Variants in FYB1 observed in about 807,000 individuals in gnomAD.
FYB1 encodes the protein FYN-binding protein 1.
A neutral mutation model predicts 94.1 loss-of-function variants in FYB1; 41 were observed. The ratio of observed to expected loss-of-function variants is 0.44; its 90% CI spans 0.34 to 0.57. The LOEUF (loss-of-function observed/expected upper bound fraction) is 0.57. FYB1 is among the 20% of genes least tolerant of loss of function. The probability of loss-of-function intolerance (pLI) is 0.02; values close to 1 mark genes in which losing one functional copy is unlikely to be tolerated. For synonymous variants in FYB1, 367 were observed against 353.2 expected (o/e 1.04, Z -0.44); for missense variants, 1,050 against 976.8 (o/e 1.07, Z -1.00).
intron 2 of FYB1, among the ~76,000 whole-genome samples, chr5:39,164,206 G>A (rs1202414332): frequency 1.3e-5 from 2 of 152,122 alleles, no homozygotes; most frequent in African/African-American, 2.4e-5. Flanking sequence ...TGTGTGCACT[G>A]AGCTGGGAGC....
At chr5:39,235,078 AATAATG>A (rs921466639) in intron 1 of FYB1, among the ~76,000 whole-genome samples, 1 of 110,200 alleles carries the variant, frequency 9.1e-6, no homozygotes, top group Non-Finnish European at 2.0e-5. Context: ...TAATAATAAT[AATAATG>A]ATAAATCACA....
rs148367896 is a variant in FYB1 at position 39,109,971 on chromosome 5, A to C, written c.2435+385T>G. On this transcript the variant is annotated intron_variant, in intron 17 of 18. Transcript: ENST00000512982. ...CTGTTAACAGGTGATATTAGCACCT[A>C]CTATGAAGTCACTAATTGGTCCCAA... Among the ~76,000 whole-genome samples, 184 of 152,280 alleles carry C rather than the reference A, an allele frequency of 1.2e-3. 1 individual carries two copies. Among genetic ancestry groups the C allele is most frequent in the African/African-American group, 4.1e-3 (171 of 41,566 alleles).
intron 3 of FYB1, among the ~76,000 whole-genome samples, chr5:39,148,151 TTTTTTATATATATA>T (rs1742860135): frequency 1.7e-5 from 1 of 58,728 alleles, no homozygotes; most frequent in African/African-American, 1.1e-4. Flanking sequence ...ATTATATGTA[TTTTTTATATATATA>T]TATATATATA....
chr5:39,256,196 A>AT (rs544741276), intron 1 of FYB1, among the ~76,000 whole-genome samples: 424 of 152,294 alleles, frequency 2.8e-3, no homozygotes, highest in Non-Finnish European at 4.8e-3. Flanking sequence ...CCAAGAAGGC[A>AT]TTTTTTCCTC....
chr5:39,153,373 G>T, intron 3 of FYB1, 75 bp downstream of exon 3: 1 of 1,548,678 alleles, frequency 6.5e-7, no homozygotes, highest in Middle Eastern at 1.7e-4. Context: ...GGAACTCTCA[G>T]CATTTGACCA....
At chr5:39,136,306 T>C (rs1307529588) in intron 7 of FYB1, among the ~76,000 whole-genome samples, 1 of 151,914 alleles carries the variant, frequency 6.6e-6, no homozygotes, top group Non-Finnish European at 1.5e-5. Context: ...CCTGAACTCA[T>C]GATCCACCCA....
chr5:39,120,978 T>C (rs1313638446), intron 14 of FYB1, among the ~76,000 whole-genome samples: 2 of 151,976 alleles, frequency 1.3e-5, no homozygotes, highest in Admixed American at 1.3e-4. Context: ...AAAAAATTTA[T>C]TGAAATTTAT....
chr5:39,197,447 C>G (rs146792294), intron 2 of FYB1, among the ~76,000 whole-genome samples: 42 of 152,264 alleles, frequency 2.8e-4, no homozygotes, highest in African/African-American at 9.1e-4. Context: ...CATGTAAAAA[C>G]TCCAATCTCA....
At chr5:39,153,409 G>A in intron 3 of FYB1, 39 bp downstream of exon 3, 1 of 1,605,992 alleles carries the variant, frequency 6.2e-7, no homozygotes, top group Non-Finnish European at 8.5e-7. Flanking sequence ...TCTACGGCAA[G>A]AGACTAGGAA....
intron 2 of FYB1, among the ~76,000 whole-genome samples, chr5:39,174,565 C>CT (rs1207581243): frequency 6.6e-6 from 1 of 152,148 alleles, no homozygotes; most frequent in South Asian, 2.1e-4. Flanking sequence ...AACACTCTCC[C>CT]TTTTTATCAA....
chr5:39,266,823 G>T (rs1342859037), intron 1 of FYB1, among the ~76,000 whole-genome samples: 1 of 152,148 alleles, frequency 6.6e-6, no homozygotes, highest in Non-Finnish European at 1.5e-5. Flanking sequence ...GACCATAGCA[G>T]AAGCAGACAT....
chr5:39,183,831 T>A (rs1579593715), intron 2 of FYB1, among the ~76,000 whole-genome samples: 1 of 152,158 alleles, frequency 6.6e-6, no homozygotes, highest in Non-Finnish European at 1.5e-5. Context: ...CAAAGCAAGA[T>A]GTTCTGATTC....
intron 2 of FYB1, among the ~76,000 whole-genome samples, chr5:39,168,664 T>C (rs1444078293): frequency 6.6e-6 from 1 of 152,224 alleles, no homozygotes; most frequent in African/African-American, 2.4e-5. Flanking sequence ...TTAAATCTTG[T>C]CACTATATTA....
rs1750125019 is a variant in FYB1, at chr5:39,219,460, A to C, written c.-45T>G. On this transcript the variant is annotated 5_prime_UTR_variant, in exon 1 of 19. Coordinates refer to ENST00000512982, the MANE Select transcript of FYB1 (RefSeq NM_001465.6). ...GCTGTTACCTGACTCCTGCAGAAGAAGGCGGAAGGATGGCCTCCTTTAGTG... is the reference window on the plus strand; with the variant it reads ...GCTGTTACCTGACTCCTGCAGAAGACGGCGGAAGGATGGCCTCCTTTAGTG... 5.1e-6 allele frequency: 5 copies of C among 985,556 alleles called. No individual in the cohort carries two copies. The highest frequency in any genetic ancestry group is 6.0e-6 in the Non-Finnish European group (5 of 829,954). The allele number at this position is 985,556 out of a possible 1,614,324, so 61.1% of individuals were successfully genotyped here.
chr5:39,137,736 G>C lies in FYB1; in HGVS notation c.1395-16C>G. The C allele has an allele frequency of 6.5e-7, 1 of 1,549,582 alleles. No individual in the cohort carries two copies. Among genetic ancestry groups the C allele is most frequent in the South Asian group, 1.2e-5 (1 of 84,028 alleles). On this transcript the variant is annotated splice_polypyrimidine_tract_variant and intron_variant, in intron 6 of 18. Transcript: ENST00000512982. ...GGATGCTTCTCTGTGAGTAAAAATT[G>C]TTAGGTTGTTTTCACATCTGCAGGT...
intron 2 of FYB1, among the ~76,000 whole-genome samples, chr5:39,178,377 A>T (rs1745921024): frequency 1.3e-5 from 2 of 152,194 alleles, no homozygotes. Flanking sequence ...TGTGTACTGT[A>T]TGCCCTACAG....
intron 1 of FYB1, among the ~76,000 whole-genome samples, chr5:39,256,711 C>T (rs1319750875): frequency 2.6e-5 from 4 of 152,136 alleles, no homozygotes; most frequent in Non-Finnish European, 5.9e-5. Context: ...TCCTAGATGA[C>T]TAATTTGAGC....
intron 1 of FYB1, among the ~76,000 whole-genome samples, chr5:39,210,236 G>C (rs1450968463): frequency 6.6e-6 from 1 of 152,184 alleles, no homozygotes; most frequent in African/African-American, 2.4e-5. Flanking sequence ...GCATTGTGAG[G>C]TGTCATGTGG....
At chr5:39,240,245 T>C (rs1040528136) in intron 1 of FYB1, among the ~76,000 whole-genome samples, 2 of 152,144 alleles carry the variant, frequency 1.3e-5, no homozygotes, top group East Asian at 3.8e-4. Context: ...GGAAATACAA[T>C]TCTGGGCATA....
Sources: gnomAD v4.1 joint callset for allele counts (sites outside exome capture counted in the v4.1 genomes callset) on GRCh38, gnomAD v4.1.1 for gene constraint, MANE v1.5 for transcripts, NCBI Gene and HGNC (gene_info 2026-07-23, HGNC 2026-07-21) for gene names.